Variants in DPPA4 observed in about 807,000 individuals in gnomAD.
The protein encoded by DPPA4 is developmental pluripotency associated 4, also known as developmental pluripotency-associated protein 4.
A neutral mutation model predicts 33.7 loss-of-function variants in DPPA4; 22 were observed. The observed-to-expected ratio is 0.65, with a 90% CI of 0.47 to 0.93. The LOEUF is 0.93. DPPA4 is among the 40% of genes least tolerant of loss of function. DPPA4 has a pLI of 0.00. For missense variants in DPPA4, 340 were observed against 358.6 expected, an observed-to-expected ratio of 0.95 and a Z score of 0.42; for synonymous variants, 156 against 132.3, an observed-to-expected ratio of 1.18 and a Z score of -1.23.
At chr3:109,338,578 G>A (rs1278500685), upstream of DPPA4, among the ~76,000 whole-genome samples, 1 of 151,926 alleles carries the variant, frequency 6.6e-6, no homozygotes. Context: ...GTCCTAAAAT[G>A]ATAAATAAGA....
chr3:109,326,337 G>A lies in DPPA4; in HGVS notation c.*1651C>T, dbSNP rs6437838. ...GGAGAAGTTTAAAAAGGAAACAAAAGGAACAATACACATAGTATAAGAAAA... is the reference window on the plus strand; with the variant it reads ...GGAGAAGTTTAAAAAGGAAACAAAAAGAACAATACACATAGTATAAGAAAA... On this transcript the variant is annotated 3_prime_UTR_variant, in exon 7 of 7. Coordinates refer to ENST00000335658, the MANE Select transcript of DPPA4 (RefSeq NM_018189.4). The A allele has an allele frequency of 6.6e-6, 1 of 152,032 alleles. No individual in the cohort carries two copies. Among genetic ancestry groups the A allele is most frequent in the African/African-American group, 2.4e-5 (1 of 41,448 alleles). The allele number at this position is 152,032 out of a possible 1,614,324, so 9.4% of individuals were successfully genotyped here.
intron 2 of DPPA4, chr3:109,333,453 C>CTTAA (rs1403888739): frequency 5.7e-6 from 1 of 176,630 alleles, no homozygotes; most frequent in Non-Finnish European, 1.2e-5. Context: ...AAGTGCTTCA[C>CTTAA]TTAACTACTC....
intron 2 of DPPA4, chr3:109,333,481 T>C: frequency 5.1e-6 from 1 of 197,124 alleles, no homozygotes; most frequent in Non-Finnish European, 1.0e-5. Flanking sequence ...ATTTTAACAC[T>C]CCATTCCCAC....
chr3:109,336,169 A>T (rs1157943593), intron 1 of DPPA4, among the ~76,000 whole-genome samples: 3 of 151,968 alleles, frequency 2.0e-5, no homozygotes, highest in African/African-American at 7.2e-5. Flanking sequence ...AATTAATATA[A>T]TAAAATTTCT....
chr3:109,329,371 TAAAAATACA>T (rs61457187), intron 5 of DPPA4: 21,369 of 283,344 alleles, frequency 0.075, 3,268 homozygotes, highest in African/African-American at 0.37. Context: ...CCGTTTCTAC[TAAAAATACA>T]AAAAATTAGC....
chr3:109,333,724 G>A, intron 2 of DPPA4, 146 bp downstream of exon 2: 4 of 897,954 alleles, frequency 4.5e-6, no homozygotes, highest in Non-Finnish European at 6.8e-6. Flanking sequence ...CTTCAGGAAG[G>A]TAACAGTTTA....
upstream of DPPA4, among the ~76,000 whole-genome samples, chr3:109,339,300 A>C (rs965278191): frequency 6.6e-6 from 1 of 152,206 alleles, no homozygotes; most frequent in African/African-American, 2.4e-5. Flanking sequence ...ACAGGATTTA[A>C]ACCCAACCTC....
At chr3:109,332,141 C>T (rs374153804) in intron 2 of DPPA4, 110 bp from the exon 3 acceptor site, 3 of 1,017,192 alleles carry the variant, frequency 2.9e-6, no homozygotes, top group East Asian at 2.5e-5. Context: ...CTTGCTCTGT[C>T]GCCCGGCTGG....
chr3:109,338,677 G>C (rs1200342984), upstream of DPPA4, among the ~76,000 whole-genome samples: 1 of 152,204 alleles, frequency 6.6e-6, no homozygotes, highest in South Asian at 2.1e-4. Context: ...CCCAGGAATA[G>C]AGAAGGAAGT....
chr3:109,328,591 G>A (rs1707986389), intron 6 of DPPA4, among the ~76,000 whole-genome samples: 1 of 152,132 alleles, frequency 6.6e-6, no homozygotes, highest in Non-Finnish European at 1.5e-5. Flanking sequence ...GCTACTTAAA[G>A]GAAGAGGTTT....
At chr3:109,335,352 C>T (rs888630448) in intron 1 of DPPA4, among the ~76,000 whole-genome samples, 3 of 152,128 alleles carry the variant, frequency 2.0e-5, no homozygotes, top group Non-Finnish European at 4.4e-5. Flanking sequence ...TCTCAATCTT[C>T]TAGCCTCAAG....
At chr3:109,332,105 T>A (rs1401015535) in intron 2 of DPPA4, 74 bp from the exon 3 acceptor site, 92 of 1,289,838 alleles carry the variant, frequency 7.1e-5, no homozygotes, top group Non-Finnish European at 9.6e-5. Flanking sequence ...GTAAAATCAC[T>A]TTTTTTTTCT....
chr3:109,335,312 G>A (rs1442780275), intron 1 of DPPA4, among the ~76,000 whole-genome samples: 2 of 152,056 alleles, frequency 1.3e-5, no homozygotes, highest in African/African-American at 4.8e-5. Flanking sequence ...TTTTGTAGAG[G>A]TGAGGTCTCC....
intron 1 of DPPA4, among the ~76,000 whole-genome samples, chr3:109,334,452 TAGG>T (rs2107349905): frequency 6.6e-6 from 1 of 151,822 alleles, no homozygotes; most frequent in Admixed American, 6.6e-5. Flanking sequence ...GAGACTGAGA[TAGG>T]AGGATTGCTT....
At chr3:109,328,250 G>A (rs1439435079) in intron 6 of DPPA4, among the ~76,000 whole-genome samples, 3 of 152,004 alleles carry the variant, frequency 2.0e-5, no homozygotes, top group African/African-American at 7.2e-5. Flanking sequence ...GCCTTGGAGG[G>A]GCTCTTTTCA....
intron 1 of DPPA4, 28 bp downstream of exon 1, chr3:109,337,436 A>T (rs756957839): frequency 7.3e-5 from 117 of 1,610,054 alleles, no homozygotes; most frequent in Non-Finnish European, 9.3e-5. Flanking sequence ...AGACAGACAG[A>T]AAACAAATCC....
chr3:109,330,614 A>C lies in DPPA4; in HGVS notation c.589T>G (p.Ser197Ala). Reference sequence around the variant, plus strand: ...GAGGCCAGCAAAGCCTCTGGGGCAGAAGTTGTCACCACAACTGTATTAACT... The same window carrying C: ...GAGGCCAGCAAAGCCTCTGGGGCAGCAGTTGTCACCACAACTGTATTAACT... Reference protein sequence around the residue: ...EGVNTVVVTTSAPEALLASWA... With the variant: ...EGVNTVVVTTAAPEALLASWA... Residue 197 changes from serine (S) to alanine (A), a missense_variant, in exon 5 of 7, where the codon TCT (serine) becomes GCT (alanine). Around this residue, in one of 3 missense-constraint regions of DPPA4, gnomAD observed 212 missense variants for 206.5 expected, o/e 1.03. Coordinates refer to ENST00000335658, the MANE Select transcript of DPPA4 (RefSeq NM_018189.4). The C allele has an allele frequency of 6.2e-7, 1 of 1,614,144 alleles. No homozygotes were observed. Among genetic ancestry groups the C allele is most frequent in the South Asian group, 1.1e-5 (1 of 91,076 alleles).
intron 2 of DPPA4, 139 bp from the exon 3 acceptor site, chr3:109,332,170 T>G (rs1441266384): frequency 2.9e-5 from 19 of 663,642 alleles, no homozygotes; most frequent in Non-Finnish European, 4.4e-5. Flanking sequence ...GGCGCGATCT[T>G]GGCTCCCTGC....
chr3:109,336,936 G>A (rs1163452061), intron 1 of DPPA4, among the ~76,000 whole-genome samples: 7 of 152,150 alleles, frequency 4.6e-5, no homozygotes, highest in African/African-American at 1.7e-4. Flanking sequence ...TTTCGCTCTG[G>A]TTGCCCAAGC....
Sources: allele counts gnomAD v4.1 joint callset (sites outside exome capture counted in the v4.1 genomes callset), GRCh38; gene constraint gnomAD v4.1.1; regional missense constraint gnomAD v4.1.1; transcripts MANE v1.5; gene names NCBI Gene and HGNC (gene_info 2026-07-23, HGNC 2026-07-21).